The following ADORA2B variants were observed in gnomAD, a reference collection of about 807,000 sequenced individuals.
ADORA2B encodes the protein adenosine receptor A2b.
A neutral mutation model predicts 20.8 loss-of-function variants in ADORA2B; 18 were observed. The ratio of observed to expected loss-of-function variants is 0.87; its 90% CI spans 0.60 to 1.29. The LOEUF (loss-of-function observed/expected upper bound fraction) is 1.29, where lower values mean the gene tolerates loss of function less well. Ranked by LOEUF, ADORA2B falls within the 50% of genes most tolerant of loss-of-function variation. The pLI is 0.00. For synonymous variants in ADORA2B, 179 were observed against 178.3 expected (o/e 1.00, Z -0.03); for missense variants, 441 against 422.7 (o/e 1.04, Z -0.38).
At chr17:15,965,675 TCTGA>T (rs533632492) in intron 1 of ADORA2B, among the ~76,000 whole-genome samples, 84 of 152,370 alleles carry the variant, frequency 5.5e-4, no homozygotes, top group African/African-American at 2.0e-3. Context: ...GAAAAAGCCC[TCTGA>T]CTGCTCTGCC....
chr17:15,930,323 G>T, the ADORA2B span, among the ~76,000 whole-genome samples: 1 of 149,980 alleles, frequency 6.7e-6, no homozygotes, highest in Non-Finnish European at 1.5e-5. Context: ...TTGAGACAGG[G>T]TCTCACTCTG....
At chr17:15,933,700 GTTT>G in the ADORA2B span, among the ~76,000 whole-genome samples, 3 of 151,870 alleles carry the variant, frequency 2.0e-5, no homozygotes, top group African/African-American at 7.3e-5. Context: ...AAAAGGTTTT[GTTT>G]TTGTTTTGTG....
chr17:15,915,996 C>G, the ADORA2B span, among the ~76,000 whole-genome samples: 1 of 152,222 alleles, frequency 6.6e-6, no homozygotes, highest in Admixed American at 6.5e-5. Flanking sequence ...ATAGGTCTCC[C>G]CATTCTGCCT....
At chr17:15,874,072 A>ATATG in the ADORA2B span, among the ~76,000 whole-genome samples, 2 of 132,834 alleles carry the variant, frequency 1.5e-5, no homozygotes, top group African/African-American at 7.5e-5. Context: ...GTGTGTGTAT[A>ATATG]TATATATATG....
chr17:15,883,785 A>G, the ADORA2B span, among the ~76,000 whole-genome samples: 1 of 152,106 alleles, frequency 6.6e-6, no homozygotes, highest in Non-Finnish European at 1.5e-5. Flanking sequence ...GCTTAGGAGG[A>G]TAATTATTGC....
At chr17:15,916,369 C>T in the ADORA2B span, among the ~76,000 whole-genome samples, 24 of 152,258 alleles carry the variant, frequency 1.6e-4, no homozygotes, top group East Asian at 3.7e-3. Flanking sequence ...CCTCAGACAC[C>T]GAGTTAAAGA....
At chr17:15,865,830 C>CTT in the ADORA2B span, among the ~76,000 whole-genome samples, 11,617 of 145,590 alleles carry the variant, frequency 0.08, 1,245 homozygotes, top group African/African-American at 0.25. Context: ...TTGCATGTAT[C>CTT]TTTTTTTTTT....
chr17:15,960,703 C>T (rs892402479), intron 1 of ADORA2B, among the ~76,000 whole-genome samples: 8 of 151,660 alleles, frequency 5.3e-5, no homozygotes, highest in Non-Finnish European at 1.2e-4. Context: ...AACCCCGTCT[C>T]TACTAAAAAC....
At chr17:15,877,737 G>A in the ADORA2B span, among the ~76,000 whole-genome samples, 1 of 151,888 alleles carries the variant, frequency 6.6e-6, no homozygotes, top group African/African-American at 2.4e-5. Flanking sequence ...TGGAGCTTTG[G>A]CTGCTCTGTG....
rs78044542 is a variant in ADORA2B, at chr17:15,952,605, G to A, written c.335+7022G>A. 6.5e-3 allele frequency among the ~76,000 whole-genome samples: 995 copies of A among 152,280 alleles called. 17 individuals are homozygous for A. The highest frequency in any genetic ancestry group is 0.022 in the African/African-American group (930 of 41,548). Reference sequence around the variant, plus strand: ...CTAGTGGTGGATGAATAAGGACACTGGCAAATTGTGATTAGATTCCTTTAA... The same window carrying A: ...CTAGTGGTGGATGAATAAGGACACTAGCAAATTGTGATTAGATTCCTTTAA... On this transcript the variant is annotated intron_variant, in intron 1 of 1. Coordinates refer to ENST00000304222, the MANE Select transcript of ADORA2B (RefSeq NM_000676.4).
At chr17:15,950,838 C>T (rs983424155) in intron 1 of ADORA2B, among the ~76,000 whole-genome samples, 2 of 152,208 alleles carry the variant, frequency 1.3e-5, no homozygotes, top group Non-Finnish European at 2.9e-5. Context: ...TTTGCACCCC[C>T]GTTCCTCACT....
chr17:15,875,459 C>T, the ADORA2B span, among the ~76,000 whole-genome samples: 4 of 152,228 alleles, frequency 2.6e-5, no homozygotes, highest in Non-Finnish European at 5.9e-5. Flanking sequence ...CTGGAGTTCA[C>T]ATTAAGATGC....
At chr17:15,946,822 C>T (rs1165636144) in intron 1 of ADORA2B, among the ~76,000 whole-genome samples, 1 of 152,202 alleles carries the variant, frequency 6.6e-6, no homozygotes, top group East Asian at 1.9e-4. Flanking sequence ...GGCCACTCTG[C>T]AAGGCCATGT....
the ADORA2B span, among the ~76,000 whole-genome samples, chr17:15,924,890 CAG>C: frequency 3.3e-5 from 5 of 150,344 alleles, no homozygotes; most frequent in East Asian, 3.9e-4. Context: ...TTTAAAGAGA[CAG>C]AGTCTTGCTC....
At chr17:15,916,890 G>T in the ADORA2B span, among the ~76,000 whole-genome samples, 1 of 152,332 alleles carries the variant, frequency 6.6e-6, no homozygotes, top group Non-Finnish European at 1.5e-5. Flanking sequence ...GCCTAAAGCA[G>T]CTCAGCTTGG....
chr17:15,883,861 A>C, the ADORA2B span, among the ~76,000 whole-genome samples: 1 of 152,206 alleles, frequency 6.6e-6, no homozygotes, highest in Non-Finnish European at 1.5e-5. Flanking sequence ...CATGTGATGA[A>C]CCTGCATGTG....
chr17:15,851,844 A>C, the ADORA2B span, among the ~76,000 whole-genome samples: 3 of 152,208 alleles, frequency 2.0e-5, no homozygotes, highest in Non-Finnish European at 2.9e-5. Flanking sequence ...CTGTCCTGGC[A>C]CGTTGAAAAA....
chr17:15,914,270 C>T, the ADORA2B span, among the ~76,000 whole-genome samples: 1 of 152,236 alleles, frequency 6.6e-6, no homozygotes, highest in African/African-American at 2.4e-5. Flanking sequence ...GATCCTAGCA[C>T]ACTAGAACCT....
chr17:15,856,116 T>A, the ADORA2B span, among the ~76,000 whole-genome samples: 421 of 150,492 alleles, frequency 2.8e-3, 3 homozygotes, highest in African/African-American at 9.7e-3. Context: ...CTTGGTGGGA[T>A]GTGATGGGGT....
Sources: gnomAD v4.1 joint callset for allele counts (sites outside exome capture counted in the v4.1 genomes callset) on GRCh38, gnomAD v4.1.1 for gene constraint, MANE v1.5 for transcripts, NCBI Gene and HGNC (gene_info 2026-07-23, HGNC 2026-07-21) for gene names.